The following RGL2 variants were observed in gnomAD, a reference collection of about 807,000 sequenced individuals.
The protein encoded by RGL2 is ral guanine nucleotide dissociation stimulator like 2.
In RGL2, 40 loss-of-function variants were observed where a neutral mutation model predicts 84.6. That is an observed-to-expected ratio of 0.47 (90% CI 0.37 to 0.62). RGL2 has a LOEUF of 0.62. Ranked by LOEUF, RGL2 falls within the 20% of genes least tolerant of loss-of-function variation. The probability of loss-of-function intolerance (pLI) is 0.00; values close to 1 mark genes in which losing one functional copy is unlikely to be tolerated. For missense variants in RGL2, 865 were observed against 1,019.7 expected (o/e 0.85, Z 2.07); for synonymous variants, 369 against 417.3 (o/e 0.88, Z 1.41).
At position 33,296,380 on chromosome 6, in the gene RGL2, G is replaced by A. The variant is rs1562665939; in HGVS notation, c.470+34C>T. ...AGGTAAAGCTGCAGCCTGGGCAGAG[G>A]GGACTGTGAGATTAAGAACCAGGGG... On this transcript the variant is annotated intron_variant, in intron 5 of 17. Coordinates refer to ENST00000497454, the MANE Select transcript of RGL2 (RefSeq NM_004761.5). The surrounding 1 kb of genome is among the most constrained non-coding windows in gnomAD (Gnocchi z 5.0). 3.7e-6 allele frequency: 6 copies of A among 1,606,352 alleles called. No homozygotes were observed. The highest frequency in any genetic ancestry group is 4.3e-6 in the Non-Finnish European group (5 of 1,175,798).
chr6:33,293,947 A>G lies in RGL2; in HGVS notation c.1387-31T>C, dbSNP rs1423267145. ...AAGGAGCCCTCAAACTGCAGGAGCC[A>G]AAACTCAGGGACCCCTGACTTTTCC... is the stretch of plus-strand genomic sequence containing the variant. On this transcript the variant is annotated intron_variant, in intron 12 of 17. Coordinates refer to ENST00000497454, the MANE Select transcript of RGL2 (RefSeq NM_004761.5). The surrounding 1 kb of genome is among the most constrained non-coding windows in gnomAD (Gnocchi z 7.0). 1 of 1,613,992 alleles carries G rather than the reference A, an allele frequency of 6.2e-7. No homozygotes were observed. The highest frequency in any genetic ancestry group is 1.3e-5 in the African/African-American group (1 of 74,902).
At chr6:33,300,965 CA>C (rs9280395), upstream of RGL2, 45,277 of 106,472 alleles carry the variant, frequency 0.43, 6,421 homozygotes, top group Admixed American at 0.47. Flanking sequence ...GACTCCGTCT[CA>C]AAAAAAAAAA....
rs1168836838 is a variant in RGL2 at position 33,296,401 on chromosome 6, A to C, written c.470+13T>G. The C allele has an allele frequency of 6.2e-7, 1 of 1,609,808 alleles. No individual in the cohort carries two copies. Among genetic ancestry groups the C allele is most frequent in the Non-Finnish European group, 8.5e-7 (1 of 1,177,760 alleles). ...AGAGGGGACTGTGAGATTAAGAACC[A>C]GGGGTCACTCACTCTGTTGTCCTCT... On this transcript the variant is annotated intron_variant, in intron 5 of 17. Coordinates refer to ENST00000497454, the MANE Select transcript of RGL2 (RefSeq NM_004761.5). The surrounding 1 kb of genome is among the most constrained non-coding windows in gnomAD (Gnocchi z 5.0).
At position 33,293,891 on chromosome 6, in the gene RGL2, C is replaced by T. The variant is rs559146969; in HGVS notation, c.1412G>A (p.Arg471Gln). The change falls in exon 13 of 18, where the codon CGA becomes CAA. Residue 471 changes from arginine to glutamine, a missense_variant. By Grantham distance (43) the Arg-to-Gln change is conservative. Transcript: ENST00000497454. The surrounding 1 kb of genome is among the most constrained non-coding windows in gnomAD (Gnocchi z 7.0). ...GCCACGACATTCATTCTGGAGCCGT[C>T]GCAACTCAGAAAGGACTGCAAACTC... ...RKEFAVLSELRRLQNECRGYN... is the reference protein window; with the variant it reads ...RKEFAVLSELQRLQNECRGYN... The T allele has an allele frequency of 1.1e-5, 18 of 1,614,092 alleles. No homozygotes were observed. The highest frequency in any genetic ancestry group is 6.6e-5 in the South Asian group (6 of 91,076).
rs775447080 is a variant in RGL2, at chr6:33,293,695, G to T, written c.1513C>A (p.Arg505Ser). 6.2e-7 allele frequency: 1 copy of T among 1,614,078 alleles called. No individual in the cohort carries two copies. The highest frequency in any genetic ancestry group is 1.7e-5 in the Admixed American group (1 of 60,032). Residue 505 changes from arginine (R) to serine (S), a missense_variant, in exon 14 of 18, where the codon CGT (arginine) becomes AGT (serine). Physicochemically the swap from Arg to Ser is moderately radical, Grantham distance 110 (BLOSUM62 -1). Around this residue, in one of 5 missense-constraint regions of RGL2, gnomAD observed 75 missense variants for 130.8 expected, o/e 0.57. Transcript: ENST00000497454. The surrounding 1 kb of genome is among the most constrained non-coding windows in gnomAD (Gnocchi z 7.0). Reference protein sequence around the residue: ...LRPLTEAQSHRVSCEVEPPGS... With the variant: ...LRPLTEAQSHSVSCEVEPPGS... ...GGTGGCTCCACCTCACAGGATACAC[G>T]ATGGCTGGGTTAGGGGGGCAATAGG...
rs1768038146 is a variant in RGL2 at position 33,296,998 on chromosome 6, A to G, written c.240+34T>C. 2 of 1,590,406 alleles carry G rather than the reference A, an allele frequency of 1.3e-6. No homozygotes were observed. Among genetic ancestry groups the G allele is most frequent in the Admixed American group, 1.7e-5 (1 of 58,180 alleles). On this transcript the variant is annotated intron_variant, in intron 3 of 17. Transcript: ENST00000497454. This position sits in a 1 kb window ranked among gnomAD's most constrained non-coding sequence, Gnocchi z 5.0. ...AGAGGAAGGAAAACTGGGAATGAAG[A>G]GTCAGAGGTGAGAAGCTAAAGTCAT...
Position 33,292,252 on chromosome 6 carries a change from G to A in RGL2, c.2184C>T (p.Phe728=). The A allele has an allele frequency of 1.2e-6, 2 of 1,614,216 alleles. No individual in the cohort carries two copies. The highest frequency in any genetic ancestry group is 2.2e-5 in the East Asian group (1 of 44,888). Residue 728 remains phenylalanine, a synonymous_variant, in exon 18 of 18, where the codon TTC becomes TTT. Coordinates refer to ENST00000497454, the MANE Select transcript of RGL2 (RefSeq NM_004761.5). The stretch of plus-strand genomic sequence containing the variant: ...AGGACCTTCGCCGCTGCCGCAGGAG[G>A]AAATCGTGTGAAGCTCCATCCATGG... ...FYAMDGASHD[F]LLRQRRRSST... is the part of the protein sequence containing the mutation.
intron 17 of RGL2, 51 bp from the exon 18 acceptor site, chr6:33,292,364 C>T (rs1244485802): frequency 6.2e-7 from 1 of 1,609,244 alleles, no homozygotes; most frequent in Non-Finnish European, 8.5e-7. Flanking sequence ...GTTCCCCCCA[C>T]AGCCGCCCAG....
chr6:33,295,908 T>C lies in RGL2; in HGVS notation c.768+120A>G, dbSNP rs1767899229. On this transcript the variant is annotated intron_variant, in intron 6 of 17. Transcript: ENST00000497454. The surrounding 1 kb of genome is among the most constrained non-coding windows in gnomAD (Gnocchi z 7.2). ...CAAAGGGAAAAGGGGAGAATCAAAA[T>C]GGTAGGTGGAGGAGGCTAGGAGCTG... The C allele has an allele frequency of 6.9e-7, 1 of 1,444,046 alleles. No homozygotes were observed. The highest frequency in any genetic ancestry group is 9.5e-7 in the Non-Finnish European group (1 of 1,048,716). 89.5% of individuals were successfully genotyped at this position (1,444,046 alleles called of 1,614,324 possible).
chr6:33,300,803 A>T (rs901816736), upstream of RGL2: 9 of 151,712 alleles, frequency 5.9e-5, no homozygotes, highest in Admixed American at 4.6e-4. Flanking sequence ...GTCTCTACTA[A>T]AAAATACAAA....
In RGL2 at chr6:33,297,162, C is replaced by A. The variant is rs1459249566; in HGVS notation, c.157-47G>T. ...AGTCAGACAGTTCCACACCACCCCC[C>A]ATTGCCCTCAGCCTTCACCCCAGGC... is the stretch of plus-strand genomic sequence containing the variant. On this transcript the variant is annotated intron_variant, in intron 2 of 17. Transcript: ENST00000497454. This position sits in a 1 kb window ranked among gnomAD's most constrained non-coding sequence, Gnocchi z 4.0. 6.3e-6 allele frequency: 9 copies of A among 1,433,738 alleles called. No individual in the cohort carries two copies. The highest frequency in any genetic ancestry group is 8.5e-6 in the Non-Finnish European group (9 of 1,057,330). The allele number at this position is 1,433,738 out of a possible 1,614,324, so 88.8% of individuals were successfully genotyped here.
At position 33,294,780 on chromosome 6, in the gene RGL2, G is replaced by C. The variant is rs757292397; in HGVS notation, c.1279-18C>G. On this transcript the variant is annotated intron_variant, in intron 10 of 17. Transcript: ENST00000497454. The surrounding 1 kb of genome is among the most constrained non-coding windows in gnomAD (Gnocchi z 5.0). ...ACCACACCCTGAAGTCAGGGGTCAG[G>C]GTCAGAAGTGCCTGCCATTGACGTG... 3 of 1,612,842 alleles carry C rather than the reference G, an allele frequency of 1.9e-6. 1 individual carries two copies. The highest frequency in any genetic ancestry group is 1.1e-5 in the South Asian group (1 of 90,930).
At position 33,294,573 on chromosome 6, in the gene RGL2, T is replaced by C. The variant is rs1176640710; in HGVS notation, c.1353+115A>G. ...CTTGGCACAGAAACAGATCTGGCTC[T>C]GTCCCACACTCAGCTATTTGTGCCT... On this transcript the variant is annotated intron_variant, in intron 11 of 17. Coordinates refer to ENST00000497454, the MANE Select transcript of RGL2 (RefSeq NM_004761.5). The surrounding 1 kb of genome is among the most constrained non-coding windows in gnomAD (Gnocchi z 5.0). 1 of 1,094,010 alleles carries C rather than the reference T, an allele frequency of 9.1e-7. No homozygotes were observed. 67.8% of individuals were successfully genotyped at this position (1,094,010 alleles called of 1,614,324 possible).
chr6:33,296,498 T>C lies in RGL2; in HGVS notation c.420-34A>G, dbSNP rs568275891. 2 of 1,590,460 alleles carry C rather than the reference T, an allele frequency of 1.3e-6. No individual in the cohort carries two copies. Among genetic ancestry groups the C allele is most frequent in the East Asian group, 4.5e-5 (2 of 44,734 alleles). ...GAGAAGAGGATCTATCTGTCCATTT[T>C]TCCCAAACCCTCAGTGGCTTTGACT... On this transcript the variant is annotated intron_variant, in intron 4 of 17. Coordinates refer to ENST00000497454, the MANE Select transcript of RGL2 (RefSeq NM_004761.5). This position sits in a 1 kb window ranked among gnomAD's most constrained non-coding sequence, Gnocchi z 5.0.
Position 33,295,291 on chromosome 6 carries a change from C to A in RGL2, c.1124+28G>T. On this transcript the variant is annotated intron_variant, in intron 8 of 17. Coordinates refer to ENST00000497454, the MANE Select transcript of RGL2 (RefSeq NM_004761.5). This position sits in a 1 kb window ranked among gnomAD's most constrained non-coding sequence, Gnocchi z 7.2. ...TTCCCCGCCTTCTGAGGAACCCCCA[C>A]CCCAGTCCAATGCCTCAGCCTCCGC... 1.3e-6 allele frequency: 2 copies of A among 1,560,602 alleles called. No individual in the cohort carries two copies. Among genetic ancestry groups the A allele is most frequent in the Non-Finnish European group, 1.7e-6 (2 of 1,151,988 alleles).
chr6:33,293,121 C>A lies in RGL2; in HGVS notation c.1902G>T (p.Gly634=), dbSNP rs750385143. Residue 634 remains glycine (G), a synonymous_variant, in exon 16 of 18, where the codon GGG becomes GGT. Coordinates refer to ENST00000497454, the MANE Select transcript of RGL2 (RefSeq NM_004761.5). This position sits in a 1 kb window ranked among gnomAD's most constrained non-coding sequence, Gnocchi z 7.0. ...CAGATCCCTCTCCCCCATATCCAGT[C>A]CCCCCGGAGGCCTCTTCTGCACCCC... ...LSGGAEEASG[G]TGYGGEGSGP... is the part of the protein sequence containing the mutation. 2 of 1,613,226 alleles carry A rather than the reference C, an allele frequency of 1.2e-6. No individual in the cohort carries two copies. Among genetic ancestry groups the A allele is most frequent in the Non-Finnish European group, 1.7e-6 (2 of 1,179,644 alleles).
Position 33,296,963 on chromosome 6 carries a change from A to G in RGL2, c.240+69T>C. ...AACTCCAACCTAGCACTCTGGCCAG[A>G]AAGTCAGCCAGAGGAAGGAAAACTG... On this transcript the variant is annotated intron_variant, in intron 3 of 17. Coordinates refer to ENST00000497454, the MANE Select transcript of RGL2 (RefSeq NM_004761.5). The surrounding 1 kb of genome is among the most constrained non-coding windows in gnomAD (Gnocchi z 5.0). 1 of 1,559,232 alleles carries G rather than the reference A, an allele frequency of 6.4e-7. No individual in the cohort carries two copies. The highest frequency in any genetic ancestry group is 2.2e-5 in the East Asian group (1 of 44,570).
Position 33,293,006 on chromosome 6 carries a change from G to C in RGL2, c.2007+10C>G. 1.2e-6 allele frequency: 2 copies of C among 1,613,958 alleles called. No homozygotes were observed. Among genetic ancestry groups the C allele is most frequent in the South Asian group, 1.1e-5 (1 of 91,068 alleles). Reference sequence around the variant, plus strand: ...TCCTTCACCCCAACTCCATCCCAAGGCTCCCTCACCAAAATGCTCTTATAG... The same window carrying C: ...TCCTTCACCCCAACTCCATCCCAAGCCTCCCTCACCAAAATGCTCTTATAG... On this transcript the variant is annotated intron_variant, in intron 16 of 17. Coordinates refer to ENST00000497454, the MANE Select transcript of RGL2 (RefSeq NM_004761.5). The surrounding 1 kb of genome is among the most constrained non-coding windows in gnomAD (Gnocchi z 7.0).
rs760370358 is a variant in RGL2 at position 33,292,061 on chromosome 6, T to A, written c.*41A>T. On this transcript the variant is annotated 3_prime_UTR_variant, in exon 18 of 18. Transcript: ENST00000497454. The stretch of plus-strand genomic sequence containing the variant: ...ATTCAGGATGGCTACCCACATCTGG[T>A]ATGAACACCATGACTTCTGTAAGCC... The A allele has an allele frequency of 6.2e-7, 1 of 1,603,366 alleles. No homozygotes were observed. Among genetic ancestry groups the A allele is most frequent in the Non-Finnish European group, 8.5e-7 (1 of 1,170,446 alleles).
Sources: allele counts gnomAD v4.1 joint callset, GRCh38; gene constraint gnomAD v4.1.1; regional missense constraint gnomAD v4.1.1; non-coding constraint Gnocchi (gnomAD v3.1); transcripts MANE v1.5; gene names NCBI Gene and HGNC (gene_info 2026-07-23, HGNC 2026-07-21).